CTNNA3: variants seen among roughly 807,000 people sequenced by gnomAD.
The protein encoded by CTNNA3 is catenin alpha 3.
Under a neutral mutation model 95.7 loss-of-function variants are expected in CTNNA3, and 76 were observed. The ratio of observed to expected loss-of-function variants is 0.79; its 90% CI spans 0.66 to 0.96. The LOEUF (loss-of-function observed/expected upper bound fraction) is 0.96, where lower values mean the gene tolerates loss of function less well. Ranked by LOEUF, CTNNA3 falls within the 40% of genes least tolerant of loss-of-function variation. The pLI, the probability that CTNNA3 is intolerant of heterozygous loss-of-function variation, is 0.00. For synonymous variants in CTNNA3, 431 were observed against 374.4 expected (o/e 1.15, Z -1.74); for missense variants, 1,191 against 1,089.8 (o/e 1.09, Z -1.31).
At chr10:67,093,120 A>C (rs1589728143) in intron 7 of CTNNA3, among the ~76,000 whole-genome samples, 1 of 152,004 alleles carries the variant, frequency 6.6e-6, no homozygotes, top group South Asian at 2.1e-4. Context: ...ATTCATGGAG[A>C]GAAACTTAAT....
intron 6 of CTNNA3, among the ~76,000 whole-genome samples, chr10:67,212,337 A>G (rs555321600): frequency 3.4e-4 from 51 of 152,002 alleles, no homozygotes; most frequent in African/African-American, 1.2e-3. Context: ...CCTTCTCTTT[A>G]TATCTTACCA....
intron 1 of CTNNA3, among the ~76,000 whole-genome samples, chr10:67,692,736 T>TAAAA (rs200961420): frequency 0.18 from 14,067 of 79,430 alleles, 1,194 homozygotes; most frequent in African/African-American, 0.21. Flanking sequence ...GAATGATCAA[T>TAAAA]AAAAAAAAAA....
chr10:66,238,308 G>C (rs1185106466), intron 13 of CTNNA3, among the ~76,000 whole-genome samples: 1 of 151,950 alleles, frequency 6.6e-6, no homozygotes, highest in East Asian at 1.9e-4. Flanking sequence ...GGAACCCACT[G>C]TACAAGCTGA....
chr10:66,266,447 A>G lies in CTNNA3; in HGVS notation c.1884+14023T>C, dbSNP rs116482219. ...ATAAATAAGGCATTTGAAGGAGAAAATTATTCTCTATGCATTAATTGGTGA... is the reference window on the plus strand; with the variant it reads ...ATAAATAAGGCATTTGAAGGAGAAAGTTATTCTCTATGCATTAATTGGTGA... On this transcript the variant is annotated intron_variant, in intron 13 of 17. Transcript: ENST00000433211. Among the ~76,000 whole-genome samples the G allele has an allele frequency of 7.2e-3, 1,092 of 152,074 alleles. 13 individuals are homozygous for G. The highest frequency in any genetic ancestry group is 0.025 in the African/African-American group (1,036 of 41,488).
chr10:66,475,932 T>C lies in CTNNA3; in HGVS notation c.1531+44685A>G, dbSNP rs1839310103. ...TGCATGCATATGTTCATTGCAGCACTATTCACAACAGAAAAGACATGGAAT... is the reference window on the plus strand; with the variant it reads ...TGCATGCATATGTTCATTGCAGCACCATTCACAACAGAAAAGACATGGAAT... On this transcript the variant is annotated intron_variant, in intron 11 of 17. Transcript: ENST00000433211. Among the ~76,000 whole-genome samples the C allele has an allele frequency of 3.3e-5, 5 of 152,236 alleles. 1 individual carries two copies. In the South Asian group the frequency reaches 1.0e-3, roughly 32 times the overall value.
chr10:66,130,452 A>C (rs1338208453), intron 13 of CTNNA3, among the ~76,000 whole-genome samples: 5 of 152,008 alleles, frequency 3.3e-5, no homozygotes, highest in African/African-American at 4.8e-5. Context: ...AAAATTAATA[A>C]GATAAACTGC....
intron 1 of CTNNA3, among the ~76,000 whole-genome samples, chr10:67,744,838 C>T (rs1841364956): frequency 1.3e-5 from 2 of 152,090 alleles, no homozygotes; most frequent in South Asian, 2.1e-4. Context: ...AAAAAGTGGG[C>T]GAAGGATATG....
intron 10 of CTNNA3, among the ~76,000 whole-genome samples, chr10:66,584,365 G>A (rs1476674042): frequency 6.6e-6 from 1 of 151,824 alleles, no homozygotes; most frequent in Admixed American, 6.6e-5. Flanking sequence ...GAGCTCTAGA[G>A]TTCGGTGCAT....
At chr10:66,233,021 G>C (rs369811082) in intron 13 of CTNNA3, among the ~76,000 whole-genome samples, 12 of 151,810 alleles carry the variant, frequency 7.9e-5, no homozygotes, top group Non-Finnish European at 1.5e-4. Flanking sequence ...TTAGCCGGGC[G>C]TGGTGGTGTG....
At chr10:66,274,498 C>T (rs2091350995) in intron 13 of CTNNA3, among the ~76,000 whole-genome samples, 1 of 152,064 alleles carries the variant, frequency 6.6e-6, no homozygotes, top group African/African-American at 2.4e-5. Flanking sequence ...CAAACAGTCA[C>T]TTATAAAGTA....
intron 5 of CTNNA3, among the ~76,000 whole-genome samples, chr10:67,374,324 A>G (rs1001715519): frequency 3.3e-5 from 5 of 152,178 alleles, no homozygotes; most frequent in Admixed American, 6.5e-5. Context: ...CAAGGGCTGT[A>G]GTTTGCCCAA....
At chr10:66,847,751 T>A (rs1843334138) in intron 7 of CTNNA3, among the ~76,000 whole-genome samples, 1 of 152,174 alleles carries the variant, frequency 6.6e-6, no homozygotes, top group Admixed American at 6.6e-5. Context: ...ATGTCCTGCA[T>A]GTATAAATTT....
chr10:66,665,765 G>T (rs1846429425), intron 9 of CTNNA3, among the ~76,000 whole-genome samples: 1 of 152,122 alleles, frequency 6.6e-6, no homozygotes, highest in African/African-American at 2.4e-5. Context: ...ACTTTTATAT[G>T]ATCATAACTT....
chr10:66,348,209 C>T (rs1426339293), intron 12 of CTNNA3, among the ~76,000 whole-genome samples: 2 of 152,036 alleles, frequency 1.3e-5, no homozygotes, highest in Non-Finnish European at 2.9e-5. Context: ...ATAACTTCAT[C>T]TTAGATAAAA....
intron 5 of CTNNA3, among the ~76,000 whole-genome samples, chr10:67,325,593 C>A (rs1482344056): frequency 6.6e-6 from 1 of 152,002 alleles, no homozygotes; most frequent in African/African-American, 2.4e-5. Flanking sequence ...TAGTCCATGA[C>A]ATGGTATGTT....
chr10:67,665,929 A>G (rs147497538), intron 1 of CTNNA3, among the ~76,000 whole-genome samples: 105 of 152,340 alleles, frequency 6.9e-4, no homozygotes, highest in African/African-American at 2.4e-3. Flanking sequence ...AGAATTTGTA[A>G]AAGTAGAAAG....
chr10:67,726,318 T>C (rs1428265450), intron 1 of CTNNA3, among the ~76,000 whole-genome samples: 2 of 70,586 alleles, frequency 2.8e-5, no homozygotes, highest in Admixed American at 2.5e-4. Context: ...ACATATTATA[T>C]ATATTATCTT....
intron 5 of CTNNA3, among the ~76,000 whole-genome samples, chr10:67,272,822 G>A (rs1173786605): frequency 6.6e-6 from 1 of 151,986 alleles, no homozygotes; most frequent in Non-Finnish European, 1.5e-5. Flanking sequence ...ACTCCATGTA[G>A]GTGCATGACT....
At chr10:67,612,522 C>T (rs557671823) in intron 2 of CTNNA3, among the ~76,000 whole-genome samples, 18 of 152,032 alleles carry the variant, frequency 1.2e-4, no homozygotes, top group African/African-American at 4.3e-4. Flanking sequence ...TAGCAGATAG[C>T]CAAACTTAGC....
Sources: allele counts gnomAD v4.1 joint callset (sites outside exome capture counted in the v4.1 genomes callset), GRCh38; gene constraint gnomAD v4.1.1; transcripts MANE v1.5; gene names NCBI Gene and HGNC (gene_info 2026-07-23, HGNC 2026-07-21).